ABCE1: variants seen among roughly 807,000 people sequenced by gnomAD.
The protein encoded by ABCE1 is ATP binding cassette subfamily E member 1.
In ABCE1, 22 loss-of-function variants were observed where a neutral mutation model predicts 83.4. That is an observed-to-expected ratio of 0.26 (90% CI 0.19 to 0.38). The LOEUF is 0.38. ABCE1 is among the 10% of genes least tolerant of loss of function. ABCE1 has a pLI of 1.00. For synonymous variants in ABCE1, 204 were observed against 233.7 expected, an observed-to-expected ratio of 0.87 and a Z score of 1.16; for missense variants, 330 against 721.9, an observed-to-expected ratio of 0.46 and a Z score of 6.22.
chr4:145,106,434 T>C (rs1209755416), intron 3 of ABCE1, among the ~76,000 whole-genome samples: 1 of 152,054 alleles, frequency 6.6e-6, no homozygotes, highest in African/African-American at 2.4e-5. Flanking sequence ...ACAGGAAGCA[T>C]TCCTTCCAGC....
intron 9 of ABCE1, among the ~76,000 whole-genome samples, chr4:145,112,686 AGTAATTCTGG>A (rs1749514121): frequency 6.6e-6 from 1 of 152,198 alleles, no homozygotes. Flanking sequence ...GAATCACTAG[AGTAATTCTGG>A]TTTTTCAGAA....
chr4:145,111,704 G>C (rs1014276565), intron 8 of ABCE1, among the ~76,000 whole-genome samples: 1 of 152,144 alleles, frequency 6.6e-6, no homozygotes, highest in Non-Finnish European at 1.5e-5. Context: ...AGCAAGACGC[G>C]AGGTCTTTTA....
At chr4:145,127,419 A>G in intron 17 of ABCE1, 107 bp from the exon 18 acceptor site, 1 of 936,718 alleles carries the variant, frequency 1.1e-6, no homozygotes. Flanking sequence ...AACAGGTTGT[A>G]CAGGCACTGT....
rs564889584 is a variant in ABCE1, at chr4:145,128,901, G to C, written c.*1328G>C. The C allele has an allele frequency of 1.3e-5, 2 of 152,094 alleles. No individual in the cohort carries two copies. Among genetic ancestry groups the C allele is most frequent in the Non-Finnish European group, 2.9e-5 (2 of 68,010 alleles). 9.4% of individuals were successfully genotyped at this position (152,094 alleles called of 1,614,324 possible). A position where few individuals can be genotyped will look rare whatever the true frequency, so the allele number is the denominator to read the frequency against. On this transcript the variant is annotated 3_prime_UTR_variant, in exon 18 of 18. Coordinates refer to ENST00000296577, the MANE Select transcript of ABCE1 (RefSeq NM_002940.3). ...TAATTTCAGTAACCCATAAATACAT[G>C]TTGTAAAAAATTCAAATATACAGAA...
At chr4:145,103,584 G>A (rs1020977975) in intron 1 of ABCE1, among the ~76,000 whole-genome samples, 2 of 152,170 alleles carry the variant, frequency 1.3e-5, no homozygotes, top group Admixed American at 6.5e-5. Flanking sequence ...TTGCTATTAT[G>A]ATTATTTGCC....
Position 145,110,523 on chromosome 4 carries a change from T to C in ABCE1, c.613+79T>C, listed in dbSNP as rs1749440141. The C allele has an allele frequency of 2.4e-5, 34 of 1,396,944 alleles. No homozygotes were observed. In the South Asian group the frequency reaches 3.9e-4, roughly 16 times the overall value. 86.5% of individuals were successfully genotyped at this position (1,396,944 alleles called of 1,614,324 possible). ...GGAGTTTCGCTCTTGTTGCCCAGGC[T>C]GGGGTGCAATGATGCAACCTCTGCT... On this transcript the variant is annotated intron_variant, in intron 7 of 17. Transcript: ENST00000296577.
chr4:145,121,015 A>G (rs1749728092), intron 11 of ABCE1, 159 bp from the exon 12 acceptor site: 1 of 651,828 alleles, frequency 1.5e-6, no homozygotes, highest in Non-Finnish European at 2.7e-6. Flanking sequence ...GAGGTGAGCC[A>G]TGAAAGACTT....
At position 145,128,036 on chromosome 4, in the gene ABCE1, T is replaced by A. The variant is rs1450504126; in HGVS notation, c.*463T>A. 1 of 153,490 alleles carries A rather than the reference T, an allele frequency of 6.5e-6. No individual in the cohort carries two copies. Among genetic ancestry groups the A allele is most frequent in the Non-Finnish European group, 1.5e-5 (1 of 68,710 alleles). The allele number at this position is 153,490 out of a possible 1,614,324, so 9.5% of individuals were successfully genotyped here. Reference sequence around the variant, plus strand: ...CTGATTGACATTTGATAAATAAACATCAGGATTATGTTTATTGTTTGTTTT... The same window carrying A: ...CTGATTGACATTTGATAAATAAACAACAGGATTATGTTTATTGTTTGTTTT... On this transcript the variant is annotated 3_prime_UTR_variant, in exon 18 of 18. Coordinates refer to ENST00000296577, the MANE Select transcript of ABCE1 (RefSeq NM_002940.3).
chr4:145,114,017 T>C (rs1041605631), intron 9 of ABCE1, among the ~76,000 whole-genome samples: 1 of 152,150 alleles, frequency 6.6e-6, no homozygotes, highest in Non-Finnish European at 1.5e-5. Flanking sequence ...CTGTTCAGAA[T>C]TGATGAAAAA....
In ABCE1 at chr4:145,110,084, ATT is replaced by A. The variant is rs4148238; in HGVS notation, c.406-4_406-3del. 8.1e-3 allele frequency: 10,661 copies of A among 1,318,692 alleles called. No individual in the cohort carries two copies. Among genetic ancestry groups the A allele is most frequent in the South Asian group, 0.017 (1,114 of 65,528 alleles). The allele number at this position is 1,318,692 out of a possible 1,614,324, so 81.7% of individuals were successfully genotyped here. A position where few individuals can be genotyped will look rare whatever the true frequency, so the allele number is the denominator to read the frequency against. ...TATTATTAAATTCACATGATTCTGT[ATT>A]TTTTTTTTTTTTTTAGGATCCTCCT... On this transcript the variant is annotated splice_polypyrimidine_tract_variant and intron_variant, in intron 5 of 17. Coordinates refer to ENST00000296577, the MANE Select transcript of ABCE1 (RefSeq NM_002940.3).
rs144956009 is a variant in ABCE1, at chr4:145,121,057, A to G, written c.1145-117A>G. On this transcript the variant is annotated intron_variant, in intron 11 of 17. Transcript: ENST00000296577. ...TTTTCTATATAAACTTCAGAATTCA[A>G]TAATGTCAGTGTATATCTTTAAAAC... The G allele has an allele frequency of 5.3e-4, 481 of 911,472 alleles. 1 individual carries two copies. The Middle Eastern group carries it at 8.0e-3, about 15-fold the overall frequency. 56.5% of individuals were successfully genotyped at this position (911,472 alleles called of 1,614,324 possible).
chr4:145,105,571 G>A (rs1323746883), intron 2 of ABCE1, 34 bp from the exon 3 acceptor site: 1 of 1,459,636 alleles, frequency 6.9e-7, no homozygotes, highest in Admixed American at 1.8e-5. Context: ...GAAGATCAAA[G>A]GAAATGGCTT....
chr4:145,112,335 A>G lies in ABCE1; in HGVS notation c.800+7A>G, dbSNP rs1749502945. 1.3e-6 allele frequency: 2 copies of G among 1,540,032 alleles called. No individual in the cohort carries two copies. The highest frequency in any genetic ancestry group is 1.8e-6 in the Non-Finnish European group (2 of 1,130,742). On this transcript the variant is annotated splice_region_variant and intron_variant, in intron 9 of 17. Coordinates refer to ENST00000296577, the MANE Select transcript of ABCE1 (RefSeq NM_002940.3). ...CTCTAATAAATCCAGATAGGTAAGTAGAGATCTGGCATATTACTGTGTTGT... is the reference window on the plus strand; with the variant it reads ...CTCTAATAAATCCAGATAGGTAAGTGGAGATCTGGCATATTACTGTGTTGT...
At chr4:145,113,575 A>C (rs747102855) in intron 9 of ABCE1, among the ~76,000 whole-genome samples, 7 of 152,162 alleles carry the variant, frequency 4.6e-5, no homozygotes, top group Non-Finnish European at 1.0e-4. Context: ...AAAATTTATA[A>C]ATTAGAGGAG....
Position 145,110,102 on chromosome 4 carries a change from G to C in ABCE1, c.406-1G>C. 1 of 1,524,900 alleles carries C rather than the reference G, an allele frequency of 6.6e-7. No individual in the cohort carries two copies. Among genetic ancestry groups the C allele is most frequent in the Non-Finnish European group, 8.8e-7 (1 of 1,141,280 alleles). The allele number at this position is 1,524,900 out of a possible 1,614,324, so 94.5% of individuals were successfully genotyped here. ...ATTCTGTATTTTTTTTTTTTTTTTA[G>C]GATCCTCCTGACTGGCAGGAGATTT... On this transcript the variant is annotated splice_acceptor_variant, in intron 5 of 17. Transcript: ENST00000296577. LOFTEE classifies it high-confidence loss of function.
At chr4:145,122,965 A>G in intron 13 of ABCE1, 56 bp from the exon 14 acceptor site, 1 of 1,215,882 alleles carries the variant, frequency 8.2e-7, no homozygotes, top group East Asian at 2.5e-5. Context: ...ATTCATAAAT[A>G]GAAGAGTTCT....
chr4:145,107,948 T>C, intron 3 of ABCE1, 67 bp from the exon 4 acceptor site: 1 of 1,170,868 alleles, frequency 8.5e-7, no homozygotes, highest in Non-Finnish European at 1.2e-6. Flanking sequence ...ATATTTTTAA[T>C]CCATTTTAGT....
At position 145,127,698 on chromosome 4, in the gene ABCE1, T is replaced by C. The variant is rs1436970582; in HGVS notation, c.*125T>C. 6.3e-6 allele frequency: 4 copies of C among 636,782 alleles called. No individual in the cohort carries two copies. The highest frequency in any genetic ancestry group is 9.8e-6 in the Non-Finnish European group (4 of 409,976). The allele number at this position is 636,782 out of a possible 1,614,324, so 39.4% of individuals were successfully genotyped here. The stretch of plus-strand genomic sequence containing the variant: ...TCTGGAACTTGAAGTATAATATACT[T>C]AATATAACATAAAAAGCCAGTTGGG... On this transcript the variant is annotated 3_prime_UTR_variant, in exon 18 of 18. Coordinates refer to ENST00000296577, the MANE Select transcript of ABCE1 (RefSeq NM_002940.3).
intron 3 of ABCE1, among the ~76,000 whole-genome samples, chr4:145,107,450 C>A (rs1579211216): frequency 6.6e-6 from 1 of 152,212 alleles, no homozygotes; most frequent in South Asian, 2.1e-4. Context: ...GTTGACTTGC[C>A]TCTTAGCCTC....
Sources: allele counts gnomAD v4.1 joint callset (sites outside exome capture counted in the v4.1 genomes callset), GRCh38; gene constraint gnomAD v4.1.1; transcripts MANE v1.5; gene names NCBI Gene and HGNC (gene_info 2026-07-23, HGNC 2026-07-21).